MORC3: variants seen among roughly 807,000 people sequenced by gnomAD.
MORC3 encodes the protein MORC family CW-type zinc finger 3.
MORC3 carries 31 observed loss-of-function variants against 109.1 expected under a neutral mutation model. The observed-to-expected ratio is 0.28, with a 90% CI of 0.21 to 0.38. The LOEUF (loss-of-function observed/expected upper bound fraction) is 0.38, where lower values mean the gene tolerates loss of function less well. Among genes scored for constraint, MORC3 ranks in the 10% least tolerant of loss-of-function variants. The pLI, the probability that MORC3 is intolerant of heterozygous loss-of-function variation, is 1.00. For missense variants in MORC3, 867 were observed against 1,135.8 expected (o/e 0.76, Z 3.40); for synonymous variants, 395 against 380.7 (o/e 1.04, Z -0.44).
chr21:36,361,072 TA>T (rs36107591), intron 12 of MORC3, among the ~76,000 whole-genome samples: 26,543 of 138,914 alleles, frequency 0.19, 3,837 homozygotes, highest in East Asian at 0.4. Context: ...GACTCTATCT[TA>T]AAAAAAAAAA....
intron 5 of MORC3, among the ~76,000 whole-genome samples, chr21:36,340,554 G>A (rs1031229853): frequency 6.6e-6 from 1 of 150,874 alleles, no homozygotes; most frequent in African/African-American, 2.4e-5. Flanking sequence ...CATAACTCCT[G>A]GCGTTTTCCA....
chr21:36,330,423 C>A (rs1260086070), intron 1 of MORC3, among the ~76,000 whole-genome samples: 2 of 152,128 alleles, frequency 1.3e-5, no homozygotes, highest in Non-Finnish European at 2.9e-5. Context: ...TATAAATTTA[C>A]CTATAGCCTG....
chr21:36,340,751 C>G (rs994060764), intron 5 of MORC3, among the ~76,000 whole-genome samples: 1 of 151,844 alleles, frequency 6.6e-6, no homozygotes, highest in Non-Finnish European at 1.5e-5. Flanking sequence ...ATTCTGCTGC[C>G]TCATCCTCCC....
At chr21:36,347,670 TC>T (rs1426374315) in intron 8 of MORC3, among the ~76,000 whole-genome samples, 1 of 152,152 alleles carries the variant, frequency 6.6e-6, no homozygotes, top group Admixed American at 6.6e-5. Context: ...CTGTGGAACA[TC>T]CTTGGAAGCA....
rs548348887 is a variant in MORC3, at chr21:36,346,166, G to A, written c.1005+1135G>A. On this transcript the variant is annotated intron_variant, in intron 8 of 16. Coordinates refer to ENST00000400485, the MANE Select transcript of MORC3 (RefSeq NM_015358.3). ...CTCCCAAGTAGCTGGGACTACTGGC[G>A]TGTGCCGCTATGCCAGGCCAAATTT... Among the ~76,000 whole-genome samples, 8 of 152,284 alleles carry A rather than the reference G, an allele frequency of 5.3e-5. No homozygotes were observed. The South Asian group carries it at 1.0e-3, about 20-fold the overall frequency.
At chr21:36,320,624 C>G (rs1028016410) in intron 1 of MORC3, 11 of 279,964 alleles carry the variant, frequency 3.9e-5, no homozygotes, top group Non-Finnish European at 6.0e-5. Context: ...TCGGTCTGCT[C>G]TCGGGGCCGC....
At chr21:36,370,194 C>T (rs751733849) in intron 15 of MORC3, among the ~76,000 whole-genome samples, 10 of 152,104 alleles carry the variant, frequency 6.6e-5, no homozygotes, top group Admixed American at 1.3e-4. Flanking sequence ...GGCAACAGAG[C>T]GAGACTCTGT....
chr21:36,336,774 C>T (rs1197644509), intron 2 of MORC3, 100 bp from the exon 3 acceptor site: 11 of 1,215,240 alleles, frequency 9.1e-6, no homozygotes, highest in Non-Finnish European at 1.1e-5. Flanking sequence ...TTAAAGTTGT[C>T]TTAAAACATA....
intron 3 of MORC3, among the ~76,000 whole-genome samples, chr21:36,337,369 A>T (rs2835337): frequency 6.6e-6 from 1 of 151,936 alleles, no homozygotes; most frequent in Non-Finnish European, 1.5e-5. Context: ...GAAATCTCAC[A>T]GTCCCGGAAG....
At position 36,360,185 on chromosome 21, in the gene MORC3, A is replaced by G; in HGVS notation, c.1333A>G (p.Asn445Asp). ...TTCCTATGTGATTTTTCTGAATAGA[A>G]ATTGTGAGGTTCCAGAAGAACCTGA... is the stretch of plus-strand genomic sequence containing the variant. ...CSNNPDPQFR[N>D]CEVPEEPEDE... Residue 445 changes from asparagine to aspartate, a missense_variant and splice_region_variant, in exon 12 of 17, where the codon AAT becomes GAT. By Grantham distance (23) the Asn-to-Asp change is conservative. Coordinates refer to ENST00000400485, the MANE Select transcript of MORC3 (RefSeq NM_015358.3). The G allele has an allele frequency of 6.2e-7, 1 of 1,614,154 alleles. No individual in the cohort carries two copies.
At chr21:36,334,985 G>T (rs2085358673) in intron 2 of MORC3, among the ~76,000 whole-genome samples, 1 of 151,916 alleles carries the variant, frequency 6.6e-6, no homozygotes, top group Admixed American at 6.6e-5. Context: ...ACAAAAATTC[G>T]CCAGGGTGGT....
At position 36,327,155 on chromosome 21, in the gene MORC3, C is replaced by CTTTTTTTT. The variant is rs71326674; in HGVS notation, c.40-6471_40-6464dup. Among the ~76,000 whole-genome samples, 18 of 81,948 alleles carry CTTTTTTTT rather than the reference C, an allele frequency of 2.2e-4. 1 individual carries two copies. The highest frequency in any genetic ancestry group is 7.3e-4 in the African/African-American group (13 of 17,840). 53.8% of individuals were successfully genotyped at this position (81,948 alleles called of 152,430 possible). On this transcript the variant is annotated intron_variant, in intron 1 of 16. Transcript: ENST00000400485. ...TTAAAGATATTAATTGGCTTTATTT[C>CTTTTTTTT]TTTTTTTTTTTTTTTTTTTTTTTTT... is the stretch of plus-strand genomic sequence containing the variant.
intron 12 of MORC3, chr21:36,361,967 G>T: frequency 1.7e-6 from 1 of 600,558 alleles, no homozygotes. Flanking sequence ...AAACACCAAA[G>T]ATCTGCAGTT....
At chr21:36,336,324 C>G (rs1204142233) in intron 2 of MORC3, among the ~76,000 whole-genome samples, 1 of 152,078 alleles carries the variant, frequency 6.6e-6, no homozygotes, top group Admixed American at 6.6e-5. Flanking sequence ...CTCACTGCAA[C>G]CTCTGCCTCC....
intron 14 of MORC3, 60 bp downstream of exon 14, chr21:36,364,319 C>T: frequency 6.6e-7 from 1 of 1,524,326 alleles, no homozygotes; most frequent in Non-Finnish European, 9.0e-7. Flanking sequence ...TTACTTGACA[C>T]TTCTGTGACA....
In MORC3 at chr21:36,372,492, G is replaced by C. The variant is rs766946090; in HGVS notation, c.2627G>C (p.Ser876Thr). Residue 876 changes from serine (S) to threonine (T), a missense_variant, in exon 16 of 17, where the codon AGT becomes ACT. Transcript: ENST00000400485. ...ACGGCAACAGATGTTTCAACATCAAGTAACATTGAGGAGTCTGTAAATCAT... is the reference window on the plus strand; with the variant it reads ...ACGGCAACAGATGTTTCAACATCAACTAACATTGAGGAGTCTGTAAATCAT... The part of the protein sequence containing the change: ...QQTATDVSTS[S>T]NIEESVNHMD... 6.2e-7 allele frequency: 1 copy of C among 1,603,012 alleles called. No homozygotes were observed. Among genetic ancestry groups the C allele is most frequent in the East Asian group, 2.2e-5 (1 of 44,664 alleles).
chr21:36,329,064 G>T (rs2085282991), intron 1 of MORC3, among the ~76,000 whole-genome samples: 1 of 152,112 alleles, frequency 6.6e-6, no homozygotes, highest in East Asian at 1.9e-4. Context: ...AGGCCGAGGT[G>T]GGCGGATCGC....
chr21:36,320,559 G>A (rs924909179), intron 1 of MORC3: 2 of 334,000 alleles, frequency 6.0e-6, no homozygotes, highest in East Asian at 4.7e-5. Context: ...CCTCCTCCCA[G>A]CTCCCTCCTA....
At chr21:36,328,476 G>A (rs2085275335) in intron 1 of MORC3, among the ~76,000 whole-genome samples, 1 of 151,712 alleles carries the variant, frequency 6.6e-6, no homozygotes, top group African/African-American at 2.4e-5. Context: ...CCAGTAGCTG[G>A]GACACAGGCG....
Sources: allele counts gnomAD v4.1 joint callset (sites outside exome capture counted in the v4.1 genomes callset), GRCh38; gene constraint gnomAD v4.1.1; transcripts MANE v1.5; gene names NCBI Gene and HGNC (gene_info 2026-07-23, HGNC 2026-07-21).